EIF4G3: variants seen among roughly 807,000 people sequenced by gnomAD.
EIF4G3 encodes the protein eukaryotic translation initiation factor 4 gamma 3, also known as eIF-4-gamma 3.
In EIF4G3, 34 loss-of-function variants were observed where a neutral mutation model predicts 186.4. The observed-to-expected ratio is 0.18, with a 90% CI of 0.14 to 0.24. The LOEUF (loss-of-function observed/expected upper bound fraction) is 0.24. Among genes scored for constraint, EIF4G3 ranks in the 10% least tolerant of loss-of-function variants. The pLI, the probability that EIF4G3 is intolerant of heterozygous loss-of-function variation, is 1.00. For synonymous variants in EIF4G3, 673 were observed against 679.5 expected, an observed-to-expected ratio of 0.99 and a Z score of 0.15; for missense variants, 1,536 against 1,948.5, an observed-to-expected ratio of 0.79 and a Z score of 3.99.
intron 16 of EIF4G3, among the ~76,000 whole-genome samples, chr1:20,896,022 T>C (rs1282081904): frequency 1.3e-5 from 2 of 152,192 alleles, no homozygotes; most frequent in Non-Finnish European, 2.9e-5. Context: ...GATCTGGAAG[T>C]AGAAGACAGT....
chr1:21,016,189 C>A (rs1172872251), intron 4 of EIF4G3, among the ~76,000 whole-genome samples: 2 of 152,060 alleles, frequency 1.3e-5, no homozygotes, highest in African/African-American at 4.8e-5. Context: ...TTTTTGTAAC[C>A]AACTGATGTT....
At chr1:21,140,790 C>T (rs542160080) in intron 2 of EIF4G3, among the ~76,000 whole-genome samples, 1 of 152,326 alleles carries the variant, frequency 6.6e-6, no homozygotes, top group South Asian at 2.1e-4. Flanking sequence ...TTAATTACTT[C>T]CCTATTTTAT....
intron 30 of EIF4G3, among the ~76,000 whole-genome samples, chr1:20,839,860 A>G (rs1278830129): frequency 5.1e-5 from 7 of 136,880 alleles, no homozygotes; most frequent in African/African-American, 1.9e-4. Flanking sequence ...AAAAATATAC[A>G]GTGGCATTTA....
chr1:20,839,681 T>A (rs1240776445), intron 30 of EIF4G3, among the ~76,000 whole-genome samples: 1 of 151,512 alleles, frequency 6.6e-6, no homozygotes, highest in Non-Finnish European at 1.5e-5. Context: ...TTTTAGTAGA[T>A]GTTGGCATGT....
At chr1:21,045,806 A>C (rs893372697) in intron 4 of EIF4G3, among the ~76,000 whole-genome samples, 1 of 152,158 alleles carries the variant, frequency 6.6e-6, no homozygotes, top group Admixed American at 6.5e-5. Flanking sequence ...AAAAAAAAAA[A>C]CAGAATGAAA....
intron 14 of EIF4G3, among the ~76,000 whole-genome samples, chr1:20,918,105 G>A (rs2094108072): frequency 6.6e-6 from 1 of 151,922 alleles, no homozygotes; most frequent in South Asian, 2.1e-4. Context: ...CTCCCAACTA[G>A]CCATTTCTAC....
At chr1:21,055,305 A>C (rs1262589003) in intron 3 of EIF4G3, among the ~76,000 whole-genome samples, 1 of 152,192 alleles carries the variant, frequency 6.6e-6, no homozygotes, top group East Asian at 1.9e-4. Context: ...AAGTGAAAAT[A>C]AAAAGAGAGC....
At chr1:20,882,645 A>C (rs1042538239) in intron 19 of EIF4G3, among the ~76,000 whole-genome samples, 1 of 151,908 alleles carries the variant, frequency 6.6e-6, no homozygotes, top group Non-Finnish European at 1.5e-5. Context: ...AAAAACAAAA[A>C]AAAATTAACA....
Position 20,981,693 on chromosome 1 carries a change from TACGCACATACTGTATGTATACATAC to T in EIF4G3, c.199-491_199-467del, listed in dbSNP as rs1257905333. ...CATACTGTATGTATACATACATGTA[TACGCACATACTGTATGTATACATAC>T]ATGTATACGCACATACTGTATATAC... On this transcript the variant is annotated intron_variant, in intron 8 of 36. Coordinates refer to ENST00000602326, the MANE Select transcript of EIF4G3 (RefSeq NM_001391906.1). Among the ~76,000 whole-genome samples, 76 of 137,306 alleles carry T rather than the reference TACGCACATACTGTATGTATACATAC, an allele frequency of 5.5e-4. 11 individuals are homozygous for T. Among genetic ancestry groups the T allele is most frequent in the Non-Finnish European group, 7.5e-4 (47 of 62,684 alleles). 90.1% of individuals were successfully genotyped at this position (137,306 alleles called of 152,430 possible).
intron 3 of EIF4G3, among the ~76,000 whole-genome samples, chr1:21,082,599 AAAC>A (rs1446567002): frequency 6.6e-6 from 1 of 151,948 alleles, no homozygotes; most frequent in Non-Finnish European, 1.5e-5. Flanking sequence ...ACAAACAAAA[AAAC>A]AACAAAAAAG....
chr1:21,061,308 T>C (rs1304838741), intron 3 of EIF4G3, among the ~76,000 whole-genome samples: 1 of 152,154 alleles, frequency 6.6e-6, no homozygotes, highest in Non-Finnish European at 1.5e-5. Context: ...ATGTTGGCAC[T>C]CCAAAACATT....
chr1:20,807,262 AC>A lies in EIF4G3; in HGVS notation c.*56del, dbSNP rs2058239176. On this transcript the variant is annotated 3_prime_UTR_variant, in exon 37 of 37. Coordinates refer to ENST00000602326, the MANE Select transcript of EIF4G3 (RefSeq NM_001391906.1). ...GCACTGTGATTGGCGAAGACGTGAA[AC>A]TTTTTAAAAAAATACTTAAATTGTT... 1 of 1,521,846 alleles carries A rather than the reference AC, an allele frequency of 6.6e-7. No individual in the cohort carries two copies. The highest frequency in any genetic ancestry group is 1.4e-5 in the African/African-American group (1 of 72,504). 94.3% of individuals were successfully genotyped at this position (1,521,846 alleles called of 1,614,324 possible).
chr1:21,120,663 A>G (rs10916939), intron 2 of EIF4G3, among the ~76,000 whole-genome samples: 4,849 of 151,856 alleles, frequency 0.032, 262 homozygotes, highest in African/African-American at 0.11. Flanking sequence ...ATACAAATAC[A>G]TATAGTCTTC....
chr1:21,069,052 A>C (rs1233957431), intron 3 of EIF4G3, among the ~76,000 whole-genome samples: 1 of 152,178 alleles, frequency 6.6e-6, no homozygotes, highest in Non-Finnish European at 1.5e-5. Flanking sequence ...TTCACCAGTT[A>C]ACTCCTCTGC....
At chr1:20,857,539 T>A (rs2154551390) in intron 24 of EIF4G3, 42 bp from the exon 25 acceptor site, 2 of 1,512,360 alleles carry the variant, frequency 1.3e-6, no homozygotes, top group South Asian at 2.3e-5. Flanking sequence ...CTGTCTCAAG[T>A]CAGTTTTACA....
intron 34 of EIF4G3, among the ~76,000 whole-genome samples, chr1:20,816,386 CCCGG>C (rs2060907767): frequency 8.3e-6 from 1 of 120,010 alleles, no homozygotes; most frequent in Non-Finnish European, 1.8e-5. Context: ...CAGCCCCCCG[CCCGG>C]CCGGCCGCCC....
At chr1:21,029,074 G>C (rs1377496084) in intron 4 of EIF4G3, among the ~76,000 whole-genome samples, 1 of 152,004 alleles carries the variant, frequency 6.6e-6, no homozygotes, top group Non-Finnish European at 1.5e-5. Flanking sequence ...CTGGGGTACA[G>C]TGGCGTGATC....
chr1:20,898,469 T>C (rs1312943897), intron 16 of EIF4G3, among the ~76,000 whole-genome samples: 1 of 152,178 alleles, frequency 6.6e-6, no homozygotes, highest in South Asian at 2.1e-4. Flanking sequence ...TAAACACATA[T>C]ATAACTACAA....
intron 2 of EIF4G3, among the ~76,000 whole-genome samples, chr1:21,119,434 AC>A (rs2096887863): frequency 6.6e-6 from 1 of 152,168 alleles, no homozygotes; most frequent in South Asian, 2.1e-4. Context: ...ACAGTTTGCA[AC>A]CTAATTTTCC....
Sources: gnomAD v4.1 joint callset for allele counts (sites outside exome capture counted in the v4.1 genomes callset) on GRCh38, gnomAD v4.1.1 for gene constraint, MANE v1.5 for transcripts, NCBI Gene and HGNC (gene_info 2026-07-23, HGNC 2026-07-21) for gene names.